The following GOT1L1 variants were observed in gnomAD, a reference collection of about 807,000 sequenced individuals.
The protein encoded by GOT1L1 is aspartate aminotransferase, cytoplasmic 2.
In GOT1L1, 38 loss-of-function variants were observed where a neutral mutation model predicts 43.6. The observed-to-expected ratio is 0.87, with a 90% CI of 0.67 to 1.14. The LOEUF is 1.14. Ranked by LOEUF, GOT1L1 falls within the 50% of genes most tolerant of loss-of-function variation. The pLI is 0.00. For synonymous variants in GOT1L1, 183 were observed against 187.2 expected, an observed-to-expected ratio of 0.98 and a Z score of 0.18; for missense variants, 482 against 504.0, an observed-to-expected ratio of 0.96 and a Z score of 0.42.
Position 37,937,328 on chromosome 8 carries a change from CCAGA to C in GOT1L1, c.464_467del (p.Val155GlyfsTer27), listed in dbSNP as rs752487987. 2.4e-5 allele frequency: 38 copies of C among 1,610,634 alleles called. No homozygotes were observed. The highest frequency in any genetic ancestry group is 2.9e-5 in the Non-Finnish European group (34 of 1,178,754). ...GGTCCATGCATAGCTTCTTGGGGTC[CCAGA>C]CAGAGTATTCATAAACTGTAAAGCC... is the stretch of plus-strand genomic sequence containing the variant. On this transcript the variant is annotated frameshift_variant, in exon 4 of 9. Transcript: ENST00000307599. LOFTEE classifies it high-confidence loss of function.
chr8:37,939,013 CT>C (rs1293947024), intron 1 of GOT1L1, 132 bp from the exon 2 acceptor site: 5 of 729,142 alleles, frequency 6.9e-6, no homozygotes. Context: ...GAAAATACAA[CT>C]TTCCCTTTTC....
chr8:37,937,399 A>G lies in GOT1L1; in HGVS notation c.410-13T>C, dbSNP rs368386251. 7.0e-5 allele frequency: 106 copies of G among 1,519,252 alleles called. No homozygotes were observed. The African/African-American group carries it at 1.4e-3, about 20-fold the overall frequency. The allele number at this position is 1,519,252 out of a possible 1,614,324, so 94.1% of individuals were successfully genotyped here. On this transcript the variant is annotated splice_polypyrimidine_tract_variant and intron_variant, in intron 3 of 8. Transcript: ENST00000307599. ...AGTCCATGCAGTTCTGTGGGAACAC[A>G]GCCCCCCACTAGCTGGTACATGGGA...
Position 37,937,290 on chromosome 8 carries a change from A to G in GOT1L1, c.506T>C (p.Leu169Pro). 6.3e-7 allele frequency: 1 copy of G among 1,599,482 alleles called. No individual in the cohort carries two copies. Among genetic ancestry groups the G allele is most frequent in the Admixed American group, 1.7e-5 (1 of 57,550 alleles). Residue 169 changes from leucine (L) to proline (P), a missense_variant, in exon 4 of 9, where the codon CTC becomes CCC. Leu to Pro is a moderately conservative substitution (Grantham distance 98). Coordinates refer to ENST00000307599, the MANE Select transcript of GOT1L1 (RefSeq NM_152413.3). ...GGGCCCCTCTACCTCCACCACATTG[A>G]GGAGTATGTCGGGGTCCATGCATAG... The part of the protein sequence containing the change: ...KKLCMDPDIL[L>P]NVVEQIPHGC...
chr8:37,934,544 C>A, intron 8 of GOT1L1, 58 bp from the exon 9 acceptor site: 1 of 1,224,046 alleles, frequency 8.2e-7, no homozygotes, highest in South Asian at 1.3e-5. Flanking sequence ...TCTCCTCTAG[C>A]CCAGGCTGGT....
At chr8:37,939,416 G>GAAAAAA (rs4058283) in intron 1 of GOT1L1, among the ~76,000 whole-genome samples, 298 of 21,330 alleles carry the variant, frequency 0.014, 14 homozygotes, top group Middle Eastern at 0.05. Context: ...CCTGTCTCAA[G>GAAAAAA]AAAAAAAAAA....
chr8:37,934,469 G>C lies in GOT1L1; in HGVS notation c.1090C>G (p.Leu364Val). 1 of 1,613,162 alleles carries C rather than the reference G, an allele frequency of 6.2e-7. No individual in the cohort carries two copies. Among genetic ancestry groups the C allele is most frequent in the South Asian group, 1.1e-5 (1 of 90,956 alleles). Residue 364 changes from leucine (L) to valine (V), a missense_variant, in exon 9 of 9, where the codon CTG (leucine) becomes GTG (valine). Leu to Val is a conservative substitution (Grantham distance 32, BLOSUM62 1). Transcript: ENST00000307599. ...ATATAGATGTGCTTCTTCCTGACCA[G>C]GTATTCCACCTGCTGGGCTAAAATC... Reference protein sequence around the residue: ...LGLNSQQVEYLVRKKHIYIPK... With the variant: ...LGLNSQQVEYVVRKKHIYIPK...
chr8:37,939,127 A>G (rs1396882930), intron 1 of GOT1L1: 2 of 391,554 alleles, frequency 5.1e-6, no homozygotes, highest in Admixed American at 3.6e-5. Context: ...GTTAAAAATT[A>G]TACAAGCCCA....
rs767352858 is a variant in GOT1L1, at chr8:37,937,396, C to A, written c.410-10G>T. 1 of 1,517,932 alleles carries A rather than the reference C, an allele frequency of 6.6e-7. No homozygotes were observed. The highest frequency in any genetic ancestry group is 9.0e-7 in the Non-Finnish European group (1 of 1,110,994). 94.0% of individuals were successfully genotyped at this position (1,517,932 alleles called of 1,614,324 possible). On this transcript the variant is annotated splice_polypyrimidine_tract_variant and intron_variant, in intron 3 of 8. Transcript: ENST00000307599. The stretch of plus-strand genomic sequence containing the variant: ...ACGAGTCCATGCAGTTCTGTGGGAA[C>A]ACAGCCCCCCACTAGCTGGTACATG...
chr8:37,936,232 T>C (rs778675758), intron 6 of GOT1L1, among the ~76,000 whole-genome samples: 3 of 152,118 alleles, frequency 2.0e-5, no homozygotes, highest in Non-Finnish European at 4.4e-5. Context: ...CTGCAACCTC[T>C]ACCTCCTGGG....
chr8:37,936,441 C>T (rs1807757699), intron 6 of GOT1L1, among the ~76,000 whole-genome samples: 1 of 152,046 alleles, frequency 6.6e-6, no homozygotes, highest in Admixed American at 6.6e-5. Context: ...ACTGGGATTA[C>T]AGGTGTCACC....
intron 7 of GOT1L1, 38 bp from the exon 8 acceptor site, chr8:37,935,253 T>C: frequency 6.5e-7 from 1 of 1,545,794 alleles, no homozygotes; most frequent in East Asian, 2.4e-5. Context: ...GGGTGTGAGG[T>C]CCCCCTTGCC....
intron 8 of GOT1L1, 146 bp from the exon 9 acceptor site, chr8:37,934,632 G>A (rs1554536652): frequency 2.2e-5 from 15 of 673,882 alleles, no homozygotes; most frequent in Non-Finnish European, 3.8e-5. Context: ...GTTCAATGGT[G>A]CAATCTTGGC....
intron 1 of GOT1L1, among the ~76,000 whole-genome samples, chr8:37,939,515 A>T (rs895316026): frequency 7.6e-5 from 11 of 145,560 alleles, no homozygotes; most frequent in Middle Eastern, 3.7e-3. Flanking sequence ...AATAAAGGTA[A>T]CCCTGACTTT....
chr8:37,940,124 T>TG, upstream of GOT1L1: 1 of 1,444,646 alleles, frequency 6.9e-7, no homozygotes, highest in Non-Finnish European at 9.2e-7. Context: ...CGGGCAGTCC[T>TG]GCCTCTTCCT....
At position 37,934,368 on chromosome 8, in the gene GOT1L1, C is replaced by T. The variant is rs1169733781; in HGVS notation, c.1191G>A (p.Glu397=). The part of the protein sequence containing the change: ...NINYITEGIN[E]AVLLTESSEM... Reference sequence around the variant, plus strand: ...CTGAGCTCTCTGTGAGGAGGACAGCCTCATTGATGCCCTCAGTGATGTAAT... The same window carrying T: ...CTGAGCTCTCTGTGAGGAGGACAGCTTCATTGATGCCCTCAGTGATGTAAT... The change falls in exon 9 of 9, where the codon GAG becomes GAA. Residue 397 remains glutamate, a synonymous_variant. Transcript: ENST00000307599. The T allele has an allele frequency of 3.1e-6, 5 of 1,612,972 alleles. No homozygotes were observed. The Admixed American group carries it at 5.0e-5, about 16-fold the overall frequency.
In GOT1L1 at chr8:37,939,973, G is replaced by A; in HGVS notation, c.57C>T (p.Ser19=). The change falls in exon 1 of 9, where the codon AGC becomes AGT. Residue 19 remains serine (S), a synonymous_variant. Transcript: ENST00000307599. ...DVPLAHKLEG[S]LLKTYKQDDY... The stretch of plus-strand genomic sequence containing the variant: ...CATCTTGTTTGTAGGTCTTTAACAA[G>A]CTGCCCTCTAGCTTGTGGGCGAGGG... The A allele has an allele frequency of 6.2e-7, 1 of 1,613,702 alleles. No homozygotes were observed. The highest frequency in any genetic ancestry group is 8.5e-7 in the Non-Finnish European group (1 of 1,179,670).
intron 1 of GOT1L1, among the ~76,000 whole-genome samples, chr8:37,939,431 A>AT (rs1554537597): frequency 1.7e-3 from 72 of 41,502 alleles, no homozygotes; most frequent in Non-Finnish European, 2.5e-3. Context: ...AAAAAAAAAA[A>AT]ATATATATAT....
chr8:37,934,546 C>T, intron 8 of GOT1L1, 60 bp from the exon 9 acceptor site: 1 of 1,215,628 alleles, frequency 8.2e-7, no homozygotes, highest in Non-Finnish European at 1.2e-6. Flanking sequence ...TCCTCTAGCC[C>T]AGGCTGGTTT....
chr8:37,934,355 TGAG>T lies in GOT1L1; in HGVS notation c.1201_1203del (p.Leu401del). The T allele has an allele frequency of 6.2e-7, 1 of 1,613,844 alleles. No individual in the cohort carries two copies. The highest frequency in any genetic ancestry group is 1.7e-5 in the Admixed American group (1 of 60,022). ...GGAAGACACATCTCTGAGCTCTCTG[TGAG>T]GAGGACAGCCTCATTGATGCCCTCA... On this transcript the variant is annotated inframe_deletion, in exon 9 of 9. Coordinates refer to ENST00000307599, the MANE Select transcript of GOT1L1 (RefSeq NM_152413.3).
Sources: allele counts gnomAD v4.1 joint callset (sites outside exome capture counted in the v4.1 genomes callset), GRCh38; gene constraint gnomAD v4.1.1; transcripts MANE v1.5; gene names NCBI Gene and HGNC (gene_info 2026-07-23, HGNC 2026-07-21).